The following GPC5 variants were observed in gnomAD, a reference collection of about 807,000 sequenced individuals.
The protein encoded by GPC5 is glypican 5.
GPC5 carries 47 observed loss-of-function variants against 53.9 expected under a neutral mutation model. The observed-to-expected ratio is 0.87, with a 90% CI of 0.69 to 1.11. The LOEUF is 1.11. Ranked by LOEUF, GPC5 falls within the 50% of genes most tolerant of loss-of-function variation. The pLI, the probability that GPC5 is intolerant of heterozygous loss-of-function variation, is 0.00. For missense variants in GPC5, 748 were observed against 713.1 expected, an observed-to-expected ratio of 1.05 and a Z score of -0.56; for synonymous variants, 286 against 263.3, an observed-to-expected ratio of 1.09 and a Z score of -0.84.
At chr13:91,899,816 T>A (rs2039479087) in intron 5 of GPC5, among the ~76,000 whole-genome samples, 1 of 152,124 alleles carries the variant, frequency 6.6e-6, no homozygotes, top group South Asian at 2.1e-4. Context: ...GGAGGATTCC[T>A]CCTGAGGGTC....
chr13:92,783,286 A>G lies in GPC5; in HGVS notation c.1562-82996A>G, dbSNP rs79335006. On this transcript the variant is annotated intron_variant, in intron 7 of 7. Transcript: ENST00000377067. ...GAGACCATTATCAACCAATCACACC[A>G]TATTATTCATCACCTATAGTAGACT... Among the ~76,000 whole-genome samples the G allele has an allele frequency of 8.5e-3, 1,295 of 152,266 alleles. 18 individuals are homozygous for G. Among genetic ancestry groups the G allele is most frequent in the African/African-American group, 0.03 (1,242 of 41,560 alleles).
chr13:91,616,856 A>T (rs2033709893), intron 2 of GPC5, among the ~76,000 whole-genome samples: 1 of 152,114 alleles, frequency 6.6e-6, no homozygotes, highest in South Asian at 2.1e-4. Context: ...TTGCTTTTTA[A>T]TAAGCATATC....
rs752130758 is a variant in GPC5, at chr13:92,708,857, C to CTTTTTTTTTTTTTTTTTTT, written c.1562-157400_1562-157382dup. Among the ~76,000 whole-genome samples, 22 of 48,140 alleles carry CTTTTTTTTTTTTTTTTTTT rather than the reference C, an allele frequency of 4.6e-4. 8 individuals carry two copies. Among genetic ancestry groups the CTTTTTTTTTTTTTTTTTTT allele is most frequent in the Non-Finnish European group, 9.1e-4 (22 of 24,284 alleles). 31.6% of individuals were successfully genotyped at this position (48,140 alleles called of 152,430 possible). A position where few individuals can be genotyped will look rare whatever the true frequency, so the allele number is the denominator to read the frequency against. ...CTAGCAGCATCTAGCTGGAAACCGC[C>CTTTTTTTTTTTTTTTTTTT]TTTTTTTTTTTTTTTTTTTTTTTTT... On this transcript the variant is annotated intron_variant, in intron 7 of 7. Transcript: ENST00000377067.
chr13:92,829,653 T>C (rs557880255), intron 7 of GPC5, among the ~76,000 whole-genome samples: 1 of 152,268 alleles, frequency 6.6e-6, no homozygotes, highest in African/African-American at 2.4e-5. Flanking sequence ...TAAATATCTT[T>C]GAGAAATTAA....
At chr13:91,668,582 G>A (rs190420026) in intron 2 of GPC5, among the ~76,000 whole-genome samples, 11 of 151,942 alleles carry the variant, frequency 7.2e-5, no homozygotes, top group Admixed American at 7.2e-4. Context: ...TGTTTCCTAT[G>A]TTATTTCTAC....
At chr13:92,658,930 T>TG (rs952634158) in intron 7 of GPC5, 6 of 132,814 alleles carry the variant, frequency 4.5e-5, no homozygotes, top group African/African-American at 8.3e-5. Context: ...TTTTGTTTTT[T>TG]TTTTTTTTTT....
intron 2 of GPC5, among the ~76,000 whole-genome samples, chr13:91,667,741 T>C (rs1032681501): frequency 2.0e-5 from 3 of 152,204 alleles, no homozygotes; most frequent in Admixed American, 6.5e-5. Context: ...AGAGTATGCC[T>C]GGAACCTGCA....
chr13:92,861,537 T>A (rs1160828096), intron 7 of GPC5, among the ~76,000 whole-genome samples: 2 of 152,166 alleles, frequency 1.3e-5, no homozygotes, highest in African/African-American at 4.8e-5. Context: ...CCATTTCTGT[T>A]CTTTCACCAT....
At chr13:91,683,096 T>C (rs907346678) in intron 2 of GPC5, among the ~76,000 whole-genome samples, 1 of 151,870 alleles carries the variant, frequency 6.6e-6, no homozygotes, top group Non-Finnish European at 1.5e-5. Context: ...ATGGGGTGAT[T>C]ATCCTGAATT....
chr13:92,076,117 C>T (rs1566424759), intron 6 of GPC5, among the ~76,000 whole-genome samples: 2 of 151,562 alleles, frequency 1.3e-5, no homozygotes, highest in Non-Finnish European at 2.9e-5. Context: ...GCTCTGTGGC[C>T]CAGGCTGGAG....
intron 7 of GPC5, among the ~76,000 whole-genome samples, chr13:92,796,196 G>A (rs535998111): frequency 3.8e-4 from 58 of 152,218 alleles, no homozygotes; most frequent in Non-Finnish European, 7.5e-4. Flanking sequence ...AAAAGGATGA[G>A]TTCATGTCCT....
chr13:92,187,066 T>G (rs1010139522), intron 7 of GPC5, among the ~76,000 whole-genome samples: 9 of 151,588 alleles, frequency 5.9e-5, no homozygotes, highest in African/African-American at 2.2e-4. Context: ...GAGCTGAGAT[T>G]GCGCCATTGC....
At chr13:92,755,500 G>A (rs938755478) in intron 7 of GPC5, among the ~76,000 whole-genome samples, 1 of 151,846 alleles carries the variant, frequency 6.6e-6, no homozygotes, top group Non-Finnish European at 1.5e-5. Flanking sequence ...TGAAGGCAAT[G>A]GAGACACAAA....
intron 4 of GPC5, among the ~76,000 whole-genome samples, chr13:91,754,512 A>G (rs1343780009): frequency 2.0e-5 from 3 of 152,024 alleles, no homozygotes; most frequent in Non-Finnish European, 4.4e-5. Flanking sequence ...AATATTTACA[A>G]TTTTACATCA....
At chr13:91,884,745 C>A (rs774670811) in intron 5 of GPC5, among the ~76,000 whole-genome samples, 1 of 152,130 alleles carries the variant, frequency 6.6e-6, no homozygotes, top group Non-Finnish European at 1.5e-5. Flanking sequence ...CACTAGGAAC[C>A]GTCAAGTTAG....
At chr13:92,266,900 A>G (rs1438768771) in intron 7 of GPC5, among the ~76,000 whole-genome samples, 5 of 151,226 alleles carry the variant, frequency 3.3e-5, no homozygotes, top group Non-Finnish European at 7.4e-5. Context: ...TTTTTTTGTT[A>G]AATAAAAAAC....
At chr13:91,917,269 C>T (rs2039668727) in intron 6 of GPC5, among the ~76,000 whole-genome samples, 1 of 152,172 alleles carries the variant, frequency 6.6e-6, no homozygotes, top group Non-Finnish European at 1.5e-5. Flanking sequence ...GTTATTAAAC[C>T]TTAAAGTTCC....
intron 6 of GPC5, among the ~76,000 whole-genome samples, chr13:91,954,689 A>G (rs1053422783): frequency 6.6e-6 from 1 of 152,082 alleles, no homozygotes; most frequent in Non-Finnish European, 1.5e-5. Flanking sequence ...TTGAAATGCA[A>G]AAAACATACT....
chr13:91,408,516 T>C (rs1255047805), intron 1 of GPC5, among the ~76,000 whole-genome samples: 1 of 152,192 alleles, frequency 6.6e-6, no homozygotes, highest in African/African-American at 2.4e-5. Flanking sequence ...TAGAAAATTA[T>C]AATTTTCGTG....
Sources: gnomAD v4.1 joint callset for allele counts (sites outside exome capture counted in the v4.1 genomes callset) on GRCh38, gnomAD v4.1.1 for gene constraint, MANE v1.5 for transcripts, NCBI Gene and HGNC (gene_info 2026-07-23, HGNC 2026-07-21) for gene names.